The following C12orf42 variants were observed in gnomAD, a reference collection of about 807,000 sequenced individuals.
C12orf42 encodes chromosome 12 open reading frame 42, also known as uncharacterized protein C12orf42.
Under a neutral mutation model 21.6 loss-of-function variants are expected in C12orf42, and 25 were observed. That is an observed-to-expected ratio of 1.16 (90% CI 0.84 to 1.62). The LOEUF is 1.62. C12orf42 is among the 40% of genes most tolerant of loss of function. The pLI is 0.00. For missense variants in C12orf42, 483 were observed against 459.3 expected, an observed-to-expected ratio of 1.05 and a Z score of -0.47; for synonymous variants, 174 against 175.0, an observed-to-expected ratio of 0.99 and a Z score of 0.05.
At chr12:103,524,558 G>A in the C12orf42 span, among the ~76,000 whole-genome samples, 1 of 152,186 alleles carries the variant, frequency 6.6e-6, no homozygotes, top group East Asian at 1.9e-4. Flanking sequence ...CAGCAACCTT[G>A]TCATTTATCA....
At chr12:103,177,334 C>A in the C12orf42 span, among the ~76,000 whole-genome samples, 7 of 152,178 alleles carry the variant, frequency 4.6e-5, no homozygotes, top group African/African-American at 7.2e-5. Context: ...ATGCTCTCCA[C>A]AATCTAAACT....
At chr12:103,328,654 T>C (rs1220531580) in intron 4 of C12orf42, among the ~76,000 whole-genome samples, 1 of 152,206 alleles carries the variant, frequency 6.6e-6, no homozygotes, top group Non-Finnish European at 1.5e-5. Context: ...ACAGAAAACA[T>C]TTTTATTCTC....
intron 10 of C12orf42, among the ~76,000 whole-genome samples, chr12:103,244,455 TCCC>T (rs1274199334): frequency 6.6e-6 from 1 of 151,266 alleles, no homozygotes; most frequent in African/African-American, 2.4e-5. Context: ...AGAGGAATCT[TCCC>T]CCATGTTCAG....
chr12:103,258,522 A>C (rs917412173), intron 10 of C12orf42, among the ~76,000 whole-genome samples: 3 of 151,826 alleles, frequency 2.0e-5, no homozygotes, highest in African/African-American at 7.2e-5. Context: ...TTTTTGATTT[A>C]TATATATATG....
At chr12:103,086,255 T>C in the C12orf42 span, among the ~76,000 whole-genome samples, 1 of 152,070 alleles carries the variant, frequency 6.6e-6, no homozygotes, top group Non-Finnish European at 1.5e-5. Flanking sequence ...CTTTACTTAA[T>C]TAATCTGGAT....
chr12:103,307,291 G>A (rs557820423), intron 4 of C12orf42, among the ~76,000 whole-genome samples: 7 of 152,118 alleles, frequency 4.6e-5, no homozygotes, highest in Non-Finnish European at 1.0e-4. Flanking sequence ...TTGATGCACT[G>A]TCAGAAGGTA....
chr12:103,550,047 T>C, the C12orf42 span, among the ~76,000 whole-genome samples: 2 of 152,166 alleles, frequency 1.3e-5, no homozygotes, highest in Non-Finnish European at 2.9e-5. Context: ...CAGAGTTTTC[T>C]TTTTGAAACT....
chr12:103,380,211 G>T (rs1230156499), intron 3 of C12orf42, among the ~76,000 whole-genome samples: 3 of 152,046 alleles, frequency 2.0e-5, no homozygotes, highest in African/African-American at 7.3e-5. Flanking sequence ...TGCTGGCAAG[G>T]TTTTTGGCCT....
intron 4 of C12orf42, among the ~76,000 whole-genome samples, chr12:103,316,686 A>G (rs2039532052): frequency 6.6e-6 from 1 of 152,094 alleles, no homozygotes; most frequent in Non-Finnish European, 1.5e-5. Flanking sequence ...CATATACCAT[A>G]TGTGTAACTG....
chr12:103,476,997 A>G (rs1954102917), intron 2 of C12orf42: 1 of 152,150 alleles, frequency 6.6e-6, no homozygotes, highest in Non-Finnish European at 1.5e-5. Flanking sequence ...TTTCACTGTG[A>G]TCCAGCTTAC....
chr12:103,406,500 T>C (rs1239662437), intron 2 of C12orf42, among the ~76,000 whole-genome samples: 1 of 152,192 alleles, frequency 6.6e-6, no homozygotes, highest in African/African-American at 2.4e-5. Context: ...GTCACCACTG[T>C]TTCTAATGAT....
At chr12:103,540,164 T>C in the C12orf42 span, among the ~76,000 whole-genome samples, 41 of 151,436 alleles carry the variant, frequency 2.7e-4, no homozygotes, top group African/African-American at 9.2e-4. Flanking sequence ...CATGCCACCA[T>C]GCTCAGCTAA....
the C12orf42 span, among the ~76,000 whole-genome samples, chr12:103,213,908 C>T: frequency 1.3e-5 from 2 of 152,142 alleles, no homozygotes; most frequent in Non-Finnish European, 2.9e-5. Context: ...TCTCATTTTC[C>T]ATGGATTGAT....
chr12:103,285,013 G>T (rs2036356903), intron 4 of C12orf42, among the ~76,000 whole-genome samples: 1 of 152,062 alleles, frequency 6.6e-6, no homozygotes, highest in Non-Finnish European at 1.5e-5. Context: ...CCTTATCTAG[G>T]ATCAATGCTC....
chr12:103,310,676 T>A (rs2038892831), intron 4 of C12orf42, among the ~76,000 whole-genome samples: 1 of 152,244 alleles, frequency 6.6e-6, no homozygotes, highest in Non-Finnish European at 1.5e-5. Context: ...TGGGAATGCA[T>A]TTGCAAACCC....
the C12orf42 span, among the ~76,000 whole-genome samples, chr12:103,096,412 A>C: frequency 2.0e-5 from 3 of 152,314 alleles, no homozygotes; most frequent in South Asian, 6.2e-4. Context: ...TACTTAATAA[A>C]CAGAACTTTT....
the C12orf42 span, among the ~76,000 whole-genome samples, chr12:103,216,094 T>C: frequency 6.6e-6 from 1 of 152,146 alleles, no homozygotes; most frequent in African/African-American, 2.4e-5. Flanking sequence ...GAGAGAAGTT[T>C]GGACTCTCTG....
At chr12:103,254,972 A>C (rs2034487643) in intron 10 of C12orf42, among the ~76,000 whole-genome samples, 1 of 152,200 alleles carries the variant, frequency 6.6e-6, no homozygotes, top group Non-Finnish European at 1.5e-5. Flanking sequence ...CCTTCAAAAA[A>C]TATGTATTCT....
chr12:103,089,307 TAA>T, the C12orf42 span, among the ~76,000 whole-genome samples: 2 of 152,056 alleles, frequency 1.3e-5, no homozygotes, highest in African/African-American at 4.8e-5. Flanking sequence ...TGAGATTTTT[TAA>T]AAGAAAATGT....
Sources: allele counts gnomAD v4.1 joint callset (sites outside exome capture counted in the v4.1 genomes callset), GRCh38; gene constraint gnomAD v4.1.1; transcripts MANE v1.5; gene names NCBI Gene and HGNC (gene_info 2026-07-23, HGNC 2026-07-21).